The following PRKN variants were observed in gnomAD, a reference collection of about 807,000 sequenced individuals.
PRKN encodes E3 ubiquitin-protein ligase parkin.
Under a neutral mutation model 59.5 loss-of-function variants are expected in PRKN, and 56 were observed. That is an observed-to-expected ratio of 0.94 (90% confidence interval 0.76 to 1.18). PRKN has a LOEUF of 1.18. PRKN is among the 50% of genes most tolerant of loss of function. The pLI, the probability that PRKN is intolerant of heterozygous loss-of-function variation, is 0.00. For missense variants in PRKN, 657 were observed against 596.4 expected (o/e 1.10, Z -1.06); for synonymous variants, 250 against 222.1 (o/e 1.13, Z -1.12).
chr6:162,098,801 G>A lies in PRKN; in HGVS notation c.535-44627C>T, dbSNP rs552988903. 4.6e-5 allele frequency among the ~76,000 whole-genome samples: 7 copies of A among 152,270 alleles called. No homozygotes were observed. The South Asian group carries it at 8.3e-4, about 18-fold the overall frequency. ...TTGTCCAGTACTCATTCCTCAGTAC[G>A]TTGGCTTGAAAAGGACTTAGCCTTG... is the stretch of plus-strand genomic sequence containing the variant. On this transcript the variant is annotated intron_variant, in intron 4 of 11. Transcript: ENST00000366898.
At chr6:161,838,404 A>T (rs997548659) in intron 6 of PRKN, among the ~76,000 whole-genome samples, 1 of 152,184 alleles carries the variant, frequency 6.6e-6, no homozygotes, top group Non-Finnish European at 1.5e-5. Flanking sequence ...CTTAGCTGCA[A>T]GTCCCCCCTC....
At chr6:162,481,931 C>A (rs1489943877) in intron 1 of PRKN, among the ~76,000 whole-genome samples, 3 of 152,170 alleles carry the variant, frequency 2.0e-5, no homozygotes, top group Middle Eastern at 6.8e-3. Context: ...ATTATTATAA[C>A]ATTTATTTCA....
chr6:161,426,702 GAACCCT>G (rs1788378790), intron 9 of PRKN, among the ~76,000 whole-genome samples: 1 of 129,954 alleles, frequency 7.7e-6, no homozygotes, highest in Non-Finnish European at 1.7e-5. Context: ...TCCCTCTGGA[GAACCCT>G]AATATAGTTA....
At chr6:162,723,599 G>A (rs182112284) in intron 1 of PRKN, among the ~76,000 whole-genome samples, 1 of 152,282 alleles carries the variant, frequency 6.6e-6, no homozygotes, top group African/African-American at 2.4e-5. Flanking sequence ...TTGTATTAGT[G>A]GAGGCTTTAG....
chr6:162,115,498 T>TAATA (rs1238180440), intron 4 of PRKN, among the ~76,000 whole-genome samples: 1 of 148,070 alleles, frequency 6.8e-6, no homozygotes, highest in African/African-American at 2.5e-5. Context: ...AGTATAATAA[T>TAATA]AATAAATAAA....
chr6:162,709,656 C>T (rs188645404), intron 1 of PRKN, among the ~76,000 whole-genome samples: 2 of 152,226 alleles, frequency 1.3e-5, no homozygotes, highest in South Asian at 2.1e-4. Context: ...CTTTCTGACC[C>T]GGAAGTCTCA....
At chr6:161,983,958 A>C (rs1409961325) in intron 5 of PRKN, among the ~76,000 whole-genome samples, 1 of 152,162 alleles carries the variant, frequency 6.6e-6, no homozygotes, top group African/African-American at 2.4e-5. Flanking sequence ...GACCCTTATA[A>C]AATGCGTGAA....
rs180987666 is a variant in PRKN, at chr6:161,635,824, C to T, written c.872-66408G>A. On this transcript the variant is annotated intron_variant, in intron 7 of 11. Transcript: ENST00000366898. ...AAATCTCAGAACTTTAAGTAACTAA[C>T]GCACTTCCCTAGACAATCCTGAAAG... 4.0e-3 allele frequency among the ~76,000 whole-genome samples: 616 copies of T among 152,236 alleles called. 2 individuals are homozygous for T. The highest frequency in any genetic ancestry group is 3.1e-3 in the Non-Finnish European group (213 of 68,012).
Position 161,454,169 on chromosome 6 carries a change from G to A in PRKN, c.1084-67292C>T, listed in dbSNP as rs141853958. The stretch of plus-strand genomic sequence containing the variant: ...ACACAACTCGCTAGGGTTGCCAGCA[G>A]CATTTTGGCGATGTCCCCTTGGGTC... On this transcript the variant is annotated intron_variant, in intron 9 of 11. Transcript: ENST00000366898. The surrounding 1 kb of genome is among the most constrained non-coding windows in gnomAD (Gnocchi z 4.6). Among the ~76,000 whole-genome samples, 104 of 152,294 alleles carry A rather than the reference G, an allele frequency of 6.8e-4. No individual in the cohort carries two copies. The highest frequency in any genetic ancestry group is 2.3e-3 in the African/African-American group (95 of 41,568).
At chr6:162,212,439 C>G (rs1045704733) in intron 3 of PRKN, among the ~76,000 whole-genome samples, 1 of 146,580 alleles carries the variant, frequency 6.8e-6, no homozygotes, top group South Asian at 2.2e-4. Context: ...CTCGCTTAAA[C>G]TCAACATTTT....
intron 9 of PRKN, among the ~76,000 whole-genome samples, chr6:161,431,687 A>C (rs1429203766): frequency 6.6e-6 from 1 of 151,140 alleles, no homozygotes; most frequent in African/African-American, 2.4e-5. Context: ...ATCTTGGCTC[A>C]CTGCAACCTC....
rs565220992 is a variant in PRKN at position 162,441,304 on chromosome 6, C to T, written c.171+2006G>A. Among the ~76,000 whole-genome samples, 15 of 152,206 alleles carry T rather than the reference C, an allele frequency of 9.9e-5. 1 individual carries two copies. In the South Asian group the frequency reaches 3.1e-3, roughly 32 times the overall value. ...TTAGTCAAGGTTATGTGAAATATAG[C>T]CCATATTTTATTTTTTGTCCAATCT... On this transcript the variant is annotated intron_variant, in intron 2 of 11. Coordinates refer to ENST00000366898, the MANE Select transcript of PRKN (RefSeq NM_004562.3).
chr6:162,684,042 T>C (rs185483339), intron 1 of PRKN, among the ~76,000 whole-genome samples: 9 of 152,278 alleles, frequency 5.9e-5, no homozygotes, highest in Admixed American at 5.9e-4. Context: ...TTTTGTGCAG[T>C]TGGTATTCCA....
At chr6:162,487,263 T>C (rs1398194290) in intron 1 of PRKN, among the ~76,000 whole-genome samples, 1 of 152,198 alleles carries the variant, frequency 6.6e-6, no homozygotes, top group African/African-American at 2.4e-5. Flanking sequence ...TGGTTGTTAG[T>C]TGACTTTGCC....
intron 5 of PRKN, among the ~76,000 whole-genome samples, chr6:162,003,408 G>A (rs1782134985): frequency 6.6e-6 from 1 of 151,978 alleles, no homozygotes; most frequent in Non-Finnish European, 1.5e-5. Context: ...TTCTTGCTAG[G>A]TTCTCAGACA....
At position 161,481,332 on chromosome 6, in the gene PRKN, C is replaced by T. The variant is rs183434058; in HGVS notation, c.1083+67522G>A. ...AATAAAAAGAACCTTTGGCTGGGCGCGTTGGCTCACTCCTGTAATCCCAGA... is the reference window on the plus strand; with the variant it reads ...AATAAAAAGAACCTTTGGCTGGGCGTGTTGGCTCACTCCTGTAATCCCAGA... On this transcript the variant is annotated intron_variant, in intron 9 of 11. Transcript: ENST00000366898. Among the ~76,000 whole-genome samples, 514 of 152,166 alleles carry T rather than the reference C, an allele frequency of 3.4e-3. 3 individuals are homozygous for T. The highest frequency in any genetic ancestry group is 0.012 in the African/African-American group (480 of 41,490).
chr6:161,701,827 A>G (rs575268569), intron 7 of PRKN, among the ~76,000 whole-genome samples: 5 of 152,344 alleles, frequency 3.3e-5, no homozygotes, highest in African/African-American at 1.2e-4. Context: ...TATTATGGGA[A>G]CAGAAATACC....
chr6:162,382,117 G>A (rs141482424), intron 2 of PRKN, among the ~76,000 whole-genome samples: 32 of 152,060 alleles, frequency 2.1e-4, no homozygotes, highest in African/African-American at 2.4e-4. Flanking sequence ...TCCTATAATC[G>A]GTAGTATTCT....
chr6:161,463,249 C>G lies in PRKN; in HGVS notation c.1084-76372G>C, dbSNP rs142444216. Among the ~76,000 whole-genome samples, 3,286 of 152,258 alleles carry G rather than the reference C, an allele frequency of 0.022. 72 individuals carry two copies. The highest frequency in any genetic ancestry group is 0.044 in the Middle Eastern group (13 of 294). ...ACTGCCAGGTCAGCTTCACTGTCAG[C>G]TGGTGCCTCTCCTGACCCCTCCTCC... On this transcript the variant is annotated intron_variant, in intron 9 of 11. Transcript: ENST00000366898. The surrounding 1 kb of genome is among the most constrained non-coding windows in gnomAD (Gnocchi z 4.8).
Sources: gnomAD v4.1 joint callset for allele counts (sites outside exome capture counted in the v4.1 genomes callset) on GRCh38, gnomAD v4.1.1 for gene constraint, Gnocchi (gnomAD v3.1) non-coding constraint, MANE v1.5 for transcripts, NCBI Gene and HGNC (gene_info 2026-07-23, HGNC 2026-07-21) for gene names.